Variants in CHRNB3 observed in about 807,000 individuals in gnomAD.
CHRNB3 encodes the protein cholinergic receptor nicotinic beta 3 subunit, also known as neuronal acetylcholine receptor subunit beta-3.
Under a neutral mutation model 40.6 loss-of-function variants are expected in CHRNB3, and 37 were observed. The observed-to-expected ratio is 0.91, with a 90% CI of 0.70 to 1.20. The LOEUF is 1.20. Ranked by LOEUF, CHRNB3 falls within the 50% of genes most tolerant of loss-of-function variation. The pLI is 0.00. For missense variants in CHRNB3, 505 were observed against 551.2 expected (o/e 0.92, Z 0.84); for synonymous variants, 207 against 207.1 (o/e 1.00, Z 0.00).
intron 3 of CHRNB3, among the ~76,000 whole-genome samples, chr8:42,720,261 G>A (rs1036803268): frequency 2.6e-5 from 4 of 151,600 alleles, no homozygotes; most frequent in Non-Finnish European, 5.9e-5. Context: ...GACTACAGGC[G>A]TGTGCCACCA....
rs533751002 is a variant in CHRNB3, at chr8:42,734,568, C to T, written c.1243-1916C>T. 4.0e-5 allele frequency among the ~76,000 whole-genome samples: 6 copies of T among 151,356 alleles called. 1 individual carries two copies. Among genetic ancestry groups the T allele is most frequent in the African/African-American group, 7.3e-5 (3 of 41,268 alleles). On this transcript the variant is annotated intron_variant, in intron 5 of 5. Coordinates refer to ENST00000289957, the MANE Select transcript of CHRNB3 (RefSeq NM_000749.5). ...CCGAGTAGCTGGGACTACAGGCACC[C>T]GCCACCACGCCTGGCCAATTTTTTG...
chr8:42,718,908 A>C (rs1816171816), intron 3 of CHRNB3, among the ~76,000 whole-genome samples: 1 of 151,984 alleles, frequency 6.6e-6, no homozygotes, highest in African/African-American at 2.4e-5. Context: ...CTAGAGTTGG[A>C]GTGTTTTTCC....
At chr8:42,710,905 G>A (rs943330789) in intron 3 of CHRNB3, among the ~76,000 whole-genome samples, 5 of 152,178 alleles carry the variant, frequency 3.3e-5, no homozygotes, top group Non-Finnish European at 7.3e-5. Context: ...GAGGAATAAC[G>A]GGGCTGCCCA....
At chr8:42,724,967 G>C (rs992593711) in intron 3 of CHRNB3, among the ~76,000 whole-genome samples, 4 of 151,988 alleles carry the variant, frequency 2.6e-5, no homozygotes, top group African/African-American at 4.8e-5. Context: ...CTGGGCAACA[G>C]AGTGAGACTC....
In CHRNB3 at chr8:42,732,292, C is replaced by T. The variant is rs149775276; in HGVS notation, c.985C>T (p.His329Tyr). The T allele has an allele frequency of 8.3e-4, 1,326 of 1,607,240 alleles. 1 individual carries two copies. Among genetic ancestry groups the T allele is most frequent in the Non-Finnish European group, 1.1e-3 (1,242 of 1,178,108 alleles). ...NVHHRSSSTY[H>Y]PMAPWVKRLF... is the part of the protein sequence containing the mutation. ...TCACCACAGATCTTCTTCCACGTAC[C>T]ACCCCATGGCCCCCTGGGTTAAGAG... The change falls in exon 5 of 6, where the codon CAC becomes TAC. Residue 329 changes from histidine to tyrosine, a missense_variant. Coordinates refer to ENST00000289957, the MANE Select transcript of CHRNB3 (RefSeq NM_000749.5).
At position 42,700,616 on chromosome 8, in the gene CHRNB3, G is replaced by A. The variant is rs72644004; in HGVS notation, c.52+3018G>A. Among the ~76,000 whole-genome samples the A allele has an allele frequency of 3.7e-3, 570 of 152,182 alleles. 3 individuals carry two copies. Among genetic ancestry groups the A allele is most frequent in the Non-Finnish European group, 4.4e-3 (299 of 68,008 alleles). ...ATTACAGGCATGAGCCACCATGCCCGGCCCAATTATTTCTTTTCTGTCCTG... is the reference window on the plus strand; with the variant it reads ...ATTACAGGCATGAGCCACCATGCCCAGCCCAATTATTTCTTTTCTGTCCTG... On this transcript the variant is annotated intron_variant, in intron 1 of 5. Coordinates refer to ENST00000289957, the MANE Select transcript of CHRNB3 (RefSeq NM_000749.5).
Position 42,736,881 on chromosome 8 carries a change from G to T in CHRNB3, c.*263G>T. The T allele has an allele frequency of 2.1e-6, 1 of 473,734 alleles. No individual in the cohort carries two copies. The highest frequency in any genetic ancestry group is 3.6e-5 in the Admixed American group (1 of 27,464). The allele number at this position is 473,734 out of a possible 1,614,324, so 29.3% of individuals were successfully genotyped here. A position where few individuals can be genotyped will look rare whatever the true frequency, so the allele number is the denominator to read the frequency against. ...ATTCAGGGAGGGATCATAGGTCCAG[G>T]CTTGAGCTCACATGTGGCCAGAGTG... On this transcript the variant is annotated 3_prime_UTR_variant, in exon 6 of 6. Transcript: ENST00000289957.
intron 1 of CHRNB3, among the ~76,000 whole-genome samples, chr8:42,703,435 A>AAAAAAAAATATATATATATGTATATATAT: frequency 2.1e-5 from 1 of 47,400 alleles, no homozygotes; most frequent in Non-Finnish European, 4.6e-5. Flanking sequence ...AAAAAAAAAA[A>AAAAAAAAATATATATATATGTATATATAT]ATATTTATAT....
intron 3 of CHRNB3, chr8:42,714,968 A>G (rs1816075826): frequency 6.6e-6 from 1 of 152,118 alleles, no homozygotes; most frequent in Admixed American, 6.6e-5. Flanking sequence ...TTGATTCCTC[A>G]GTCTCCGGAA....
intron 3 of CHRNB3, among the ~76,000 whole-genome samples, chr8:42,711,732 T>C (rs892024700): frequency 3.9e-5 from 6 of 152,164 alleles, no homozygotes; most frequent in Admixed American, 2.6e-4. Context: ...TGTGCAGGTT[T>C]GTTTCATGGA....
At position 42,732,032 on chromosome 8, in the gene CHRNB3, T is replaced by C. The variant is rs779219696; in HGVS notation, c.725T>C (p.Ile242Thr). The C allele has an allele frequency of 8.7e-6, 14 of 1,614,078 alleles. No homozygotes were observed. The highest frequency in any genetic ancestry group is 1.0e-5 in the Non-Finnish European group (12 of 1,180,014). The change falls in exon 5 of 6, where the codon ATC becomes ACC. Residue 242 changes from isoleucine to threonine, a missense_variant. By Grantham distance (89) the Ile-to-Thr change is moderately conservative. Transcript: ENST00000289957. ...LPLFYTLFLI[I>T]PCLGLSFLTV... ...TTATTCTATACCCTCTTTCTCATCA[T>C]CCCCTGCCTGGGGCTGTCTTTCCTA...
At position 42,736,536 on chromosome 8, in the gene CHRNB3, G is replaced by A. The variant is rs536797848; in HGVS notation, c.1295G>A (p.Trp432Ter). The A allele has an allele frequency of 1.9e-6, 3 of 1,613,990 alleles. No homozygotes were observed. In the Admixed American group the frequency reaches 5.0e-5, roughly 27 times the overall value. The change falls in exon 6 of 6, where the codon TGG becomes TAG. Residue 432 changes from tryptophan to a stop codon, truncating the protein, a stop_gained. Coordinates refer to ENST00000289957, the MANE Select transcript of CHRNB3 (RefSeq NM_000749.5). LOFTEE classifies it high-confidence loss of function. The part of the protein sequence containing the change: ...VAQVLDRIFL[W>*]LFLIVSVTGS... ...CAAGTTCTTGACCGAATCTTCCTGTGGCTCTTTCTGATAGTGTCAGTAACA... is the reference window on the plus strand; with the variant it reads ...CAAGTTCTTGACCGAATCTTCCTGTAGCTCTTTCTGATAGTGTCAGTAACA...
chr8:42,718,637 C>T lies in CHRNB3; in HGVS notation c.249+8203C>T, dbSNP rs375529869. 1.1e-4 allele frequency among the ~76,000 whole-genome samples: 16 copies of T among 141,000 alleles called. No homozygotes were observed. The South Asian group carries it at 1.8e-3, about 16-fold the overall frequency. The allele number at this position is 141,000 out of a possible 152,430, so 92.5% of individuals were successfully genotyped here. A position where few individuals can be genotyped will look rare whatever the true frequency, so the allele number is the denominator to read the frequency against. ...GCAGTGAGCCGAGATGGCGCCACTG[C>T]GCTCCAGCCTGGGTGACAGAGCAAG... On this transcript the variant is annotated intron_variant, in intron 3 of 5. Coordinates refer to ENST00000289957, the MANE Select transcript of CHRNB3 (RefSeq NM_000749.5).
chr8:42,721,529 G>T (rs931018074), intron 3 of CHRNB3, among the ~76,000 whole-genome samples: 7 of 152,030 alleles, frequency 4.6e-5, no homozygotes, highest in African/African-American at 1.7e-4. Flanking sequence ...CTGCAGACCA[G>T]CCTGGGCAAT....
chr8:42,731,768 C>T lies in CHRNB3; in HGVS notation c.461C>T (p.Thr154Ile). ...TPPASYKSSC[T>I]MDVTFFPFDR... ...CCCGCCAGCTACAAAAGCTCCTGCACCATGGACGTCACGTTTTTCCCGTTC... is the reference window on the plus strand; with the variant it reads ...CCCGCCAGCTACAAAAGCTCCTGCATCATGGACGTCACGTTTTTCCCGTTC... The change falls in exon 5 of 6, where the codon ACC becomes ATC. Residue 154 changes from threonine to isoleucine, a missense_variant. Physicochemically the swap from Thr to Ile is moderately conservative, Grantham distance 89. Transcript: ENST00000289957. 1 of 1,614,082 alleles carries T rather than the reference C, an allele frequency of 6.2e-7. No individual in the cohort carries two copies. The highest frequency in any genetic ancestry group is 8.5e-7 in the Non-Finnish European group (1 of 1,180,026).
At chr8:42,714,483 TCAAAACAAAACAAAA>T (rs576411761) in intron 3 of CHRNB3, among the ~76,000 whole-genome samples, 12 of 151,494 alleles carry the variant, frequency 7.9e-5, no homozygotes, top group African/African-American at 1.2e-4. Flanking sequence ...AGACTCTGTC[TCAAAACAAAACAAAA>T]CAAAACAAAA....
At chr8:42,697,638 A>C (rs778393114) in intron 1 of CHRNB3, 40 bp downstream of exon 1, 1 of 1,528,234 alleles carries the variant, frequency 6.5e-7, no homozygotes, top group East Asian at 2.2e-5. Context: ...ACAGTTGCAG[A>C]ATTATTTAAG....
chr8:42,710,553 T>TG, intron 3 of CHRNB3, 119 bp downstream of exon 3: 1 of 797,260 alleles, frequency 1.3e-6, no homozygotes, highest in Non-Finnish European at 2.0e-6. Flanking sequence ...GGGAGATTTG[T>TG]GGGAAGGGTC....
At chr8:42,731,525 A>C in intron 4 of CHRNB3, 142 bp from the exon 5 acceptor site, 590 of 759,092 alleles carry the variant, frequency 7.8e-4, no homozygotes, top group Non-Finnish European at 8.8e-4. Context: ...ACCGCACTCC[A>C]GCCCGGGCGA....
Sources: allele counts gnomAD v4.1 joint callset (sites outside exome capture counted in the v4.1 genomes callset), GRCh38; gene constraint gnomAD v4.1.1; transcripts MANE v1.5; gene names NCBI Gene and HGNC (gene_info 2026-07-23, HGNC 2026-07-21).